MTARC1: variants seen among roughly 807,000 people sequenced by gnomAD.
The protein encoded by MTARC1 is mitochondrial amidoxime reducing component 1, also known as mitochondrial amidoxime-reducing component 1.
Under a neutral mutation model 33.6 loss-of-function variants are expected in MTARC1, and 24 were observed. That is an observed-to-expected ratio of 0.72 (90% confidence interval 0.52 to 1.01). The LOEUF (loss-of-function observed/expected upper bound fraction) is 1.01. Among genes scored for constraint, MTARC1 ranks in the 50% least tolerant of loss-of-function variants. The pLI is 0.00. For synonymous variants in MTARC1, 187 were observed against 189.5 expected (o/e 0.99, Z 0.11); for missense variants, 417 against 445.7 (o/e 0.94, Z 0.58).
In MTARC1 at chr1:220,805,071, T is replaced by A. The variant is rs746029777; in HGVS notation, c.773T>A (p.Leu258His). ...CCCTAGGATTCTTGGGATGAGCTTC[T>A]TATTGGTGACGTGGAACTGAAAAGG... Reference protein sequence around the residue: ...VYAEDSWDELLIGDVELKRVM... With the variant: ...VYAEDSWDELHIGDVELKRVM... Residue 258 changes from leucine to histidine, a missense_variant, in exon 5 of 7, where the codon CTT (leucine) becomes CAT (histidine). By Grantham distance (99) the Leu-to-His change is moderately conservative (BLOSUM62 -3). Coordinates refer to ENST00000366910, the MANE Select transcript of MTARC1 (RefSeq NM_022746.4). The A allele has an allele frequency of 5.6e-6, 9 of 1,614,128 alleles. No individual in the cohort carries two copies. The East Asian group carries it at 2.0e-4, about 36-fold the overall frequency.
chr1:220,813,526 A>T lies in MTARC1; in HGVS notation c.*108A>T, dbSNP rs988785245. 7 of 1,457,144 alleles carry T rather than the reference A, an allele frequency of 4.8e-6. No homozygotes were observed. The highest frequency in any genetic ancestry group is 1.4e-5 in the African/African-American group (1 of 70,290). 90.3% of individuals were successfully genotyped at this position (1,457,144 alleles called of 1,614,324 possible). A position where few individuals can be genotyped will look rare whatever the true frequency, so the allele number is the denominator to read the frequency against. On this transcript the variant is annotated 3_prime_UTR_variant, in exon 7 of 7. Coordinates refer to ENST00000366910, the MANE Select transcript of MTARC1 (RefSeq NM_022746.4). ...ACTGAGACCTCTACATTTTCTTTAA[A>T]TTTGTGATTTTCACATTTTTCGTCT... is the stretch of plus-strand genomic sequence containing the variant.
intron 2 of MTARC1, chr1:220,793,954 C>G (rs1461955424): frequency 1.3e-5 from 2 of 152,152 alleles, no homozygotes; most frequent in African/African-American, 4.8e-5. Flanking sequence ...TGAAAGGCCT[C>G]AAGTTCTGGG....
intron 6 of MTARC1, among the ~76,000 whole-genome samples, chr1:220,809,971 C>T (rs981087334): frequency 2.6e-5 from 4 of 152,310 alleles, no homozygotes; most frequent in Admixed American, 1.3e-4. Flanking sequence ...GCAGGGTAAA[C>T]AAGGATCAGC....
chr1:220,796,693 A>G lies in MTARC1; in HGVS notation c.500A>G (p.Gln167Arg). Residue 167 changes from glutamine to arginine, a missense_variant, in exon 3 of 7, where the codon CAG becomes CGG. By Grantham distance (43) the Gln-to-Arg change is conservative (BLOSUM62 1). Transcript: ENST00000366910. ...EGRDCGEATA[Q>R]WITSFLKSQP... ...AGGGACTGTGGCGAGGCCACCGCCC[A>G]GTGGATAACCAGCTTCCTGAAGTCA... 2.5e-6 allele frequency: 4 copies of G among 1,612,724 alleles called. No homozygotes were observed. The highest frequency in any genetic ancestry group is 3.4e-6 in the Non-Finnish European group (4 of 1,179,488).
intron 1 of MTARC1, among the ~76,000 whole-genome samples, chr1:220,787,802 C>T (rs1672282956): frequency 6.6e-6 from 1 of 152,000 alleles, no homozygotes; most frequent in South Asian, 2.1e-4. Context: ...CCAGCCTGAC[C>T]AACATGGTGA....
intron 6 of MTARC1, among the ~76,000 whole-genome samples, 181 bp from the exon 7 acceptor site, chr1:220,813,111 G>A (rs1353169981): frequency 1.3e-5 from 2 of 152,174 alleles, no homozygotes; most frequent in South Asian, 2.1e-4. Context: ...TGCTTCTGTC[G>A]TTGTTTGCTG....
At chr1:220,803,549 C>T in intron 4 of MTARC1, among the ~76,000 whole-genome samples, 1 of 152,108 alleles carries the variant, frequency 6.6e-6, no homozygotes, top group East Asian at 1.9e-4. Flanking sequence ...ATTGCTGGAC[C>T]TCAAAGCGCT....
At chr1:220,787,960 A>G (rs542623327) in intron 1 of MTARC1, among the ~76,000 whole-genome samples, 26 of 152,188 alleles carry the variant, frequency 1.7e-4, no homozygotes, top group Non-Finnish European at 2.6e-4. Flanking sequence ...GTGAGCCAGG[A>G]TTGCGCCACT....
At position 220,798,910 on chromosome 1, in the gene MTARC1, C is replaced by T. The variant is rs190588346; in HGVS notation, c.753+896C>T. 4.1e-5 allele frequency: 40 copies of T among 985,382 alleles called. No individual in the cohort carries two copies. The East Asian group carries it at 2.2e-3, about 53-fold the overall frequency. 61.0% of individuals were successfully genotyped at this position (985,382 alleles called of 1,614,324 possible). A position where few individuals can be genotyped will look rare whatever the true frequency, so the allele number is the denominator to read the frequency against. ...AATTATATTCTTCACTTTTGCTGTA[C>T]GGAGGCAAAACTATGCTGAAAGAGA... On this transcript the variant is annotated intron_variant, in intron 4 of 6. Transcript: ENST00000366910.
rs1046058862 is a variant in MTARC1, at chr1:220,819,021, A to T, written c.*5603A>T. 4 of 152,184 alleles carry T rather than the reference A, an allele frequency of 2.6e-5. No homozygotes were observed. Among genetic ancestry groups the T allele is most frequent in the African/African-American group, 9.7e-5 (4 of 41,440 alleles). 9.4% of individuals were successfully genotyped at this position (152,184 alleles called of 1,614,324 possible). A position where few individuals can be genotyped will look rare whatever the true frequency, so the allele number is the denominator to read the frequency against. On this transcript the variant is annotated 3_prime_UTR_variant, in exon 7 of 7. Coordinates refer to ENST00000366910, the MANE Select transcript of MTARC1 (RefSeq NM_022746.4). The stretch of plus-strand genomic sequence containing the variant: ...AGCCCGTATGACTCATTTGCGAGCC[A>T]TTCCTGTCGTCTGGATGCCATAACA...
rs1672250069 is a variant in MTARC1, at chr1:220,786,921, C to T, written c.-24C>T. Reference sequence around the variant, plus strand: ...GACCAGCGCGCTCCGGCCTTGCCGCCGCCACCTCGCGGAGAAGCCAGCCAT... The same window carrying T: ...GACCAGCGCGCTCCGGCCTTGCCGCTGCCACCTCGCGGAGAAGCCAGCCAT... On this transcript the variant is annotated 5_prime_UTR_variant, in exon 1 of 7. Coordinates refer to ENST00000366910, the MANE Select transcript of MTARC1 (RefSeq NM_022746.4). 2 of 1,229,640 alleles carry T rather than the reference C, an allele frequency of 1.6e-6. No homozygotes were observed. Among genetic ancestry groups the T allele is most frequent in the South Asian group, 4.0e-5 (1 of 25,248 alleles). 76.2% of individuals were successfully genotyped at this position (1,229,640 alleles called of 1,614,324 possible).
intron 4 of MTARC1, among the ~76,000 whole-genome samples, chr1:220,799,437 C>T (rs1309740828): frequency 1.3e-5 from 2 of 152,176 alleles, no homozygotes; most frequent in Admixed American, 1.3e-4. Context: ...CTTTGACCAT[C>T]TCCTTGATAT....
intron 4 of MTARC1, among the ~76,000 whole-genome samples, chr1:220,799,690 T>C (rs1303609236): frequency 1.3e-5 from 2 of 152,172 alleles, no homozygotes. Flanking sequence ...AAGGAGGGGC[T>C]GGGTTTTGAA....
Position 220,788,950 on chromosome 1 carries a change from C to G in MTARC1, c.275+1731C>G, listed in dbSNP as rs188577669. On this transcript the variant is annotated intron_variant, in intron 1 of 6. Transcript: ENST00000366910. ...TACAATAGATGACAAGAAGAGCTGG[C>G]CTTTGTACCAGACACTATGATAAAT... Among the ~76,000 whole-genome samples the G allele has an allele frequency of 1.1e-4, 17 of 152,230 alleles. No individual in the cohort carries two copies. The East Asian group carries it at 2.3e-3, about 21-fold the overall frequency.
At chr1:220,811,362 T>C (rs760173863) in intron 6 of MTARC1, among the ~76,000 whole-genome samples, 2 of 152,220 alleles carry the variant, frequency 1.3e-5, no homozygotes, top group Non-Finnish European at 2.9e-5. Context: ...CAACCAACAT[T>C]ATTTTTGAGT....
At chr1:220,801,231 T>G (rs776255223) in intron 4 of MTARC1, among the ~76,000 whole-genome samples, 4 of 152,102 alleles carry the variant, frequency 2.6e-5, no homozygotes, top group Non-Finnish European at 5.9e-5. Flanking sequence ...CTGGCCTTTT[T>G]TCTGGGCCCC....
rs757703393 is a variant in MTARC1, at chr1:220,819,386, C to T, written c.*5968C>T. ...ATGCAAGTCTATATTTTAAGGCAGT[C>T]GAAGTCCTAGAGAATATATCTGGAG... On this transcript the variant is annotated 3_prime_UTR_variant, in exon 7 of 7. Transcript: ENST00000366910. 2.6e-5 allele frequency: 4 copies of T among 152,134 alleles called. No individual in the cohort carries two copies. Among genetic ancestry groups the T allele is most frequent in the Non-Finnish European group, 4.4e-5 (3 of 68,030 alleles). The allele number at this position is 152,134 out of a possible 1,614,324, so 9.4% of individuals were successfully genotyped here.
rs540723173 is a variant in MTARC1 at position 220,815,545 on chromosome 1, C to T, written c.*2127C>T. On this transcript the variant is annotated 3_prime_UTR_variant, in exon 7 of 7. Transcript: ENST00000366910. ...GTGCCTCACAGTGTGAGGAAGATTC[C>T]TGTTTGAAGAGAGAAGTTCCAGTGA... 6.6e-6 allele frequency: 1 copy of T among 152,172 alleles called. No homozygotes were observed. The highest frequency in any genetic ancestry group is 2.4e-5 in the African/African-American group (1 of 41,436). The allele number at this position is 152,172 out of a possible 1,614,324, so 9.4% of individuals were successfully genotyped here.
At position 220,805,254 on chromosome 1, in the gene MTARC1, A is replaced by G; in HGVS notation, c.867A>G (p.Glu289=). The G allele has an allele frequency of 6.2e-7, 1 of 1,613,224 alleles. No individual in the cohort carries two copies. The highest frequency in any genetic ancestry group is 8.5e-7 in the Non-Finnish European group (1 of 1,180,018). The change falls in exon 6 of 7, where the codon GAA becomes GAG. Residue 289 remains glutamate, a synonymous_variant. Transcript: ENST00000366910. ...DPDTGVMSRK[E]PLETLKSYRQ... Reference sequence around the variant, plus strand: ...ACACCGGTGTCATGAGCAGGAAGGAACCGCTGGAAACACTGAAGAGGTAGG... The same window carrying G: ...ACACCGGTGTCATGAGCAGGAAGGAGCCGCTGGAAACACTGAAGAGGTAGG...
Sources: gnomAD v4.1 joint callset for allele counts (sites outside exome capture counted in the v4.1 genomes callset) on GRCh38, gnomAD v4.1.1 for gene constraint, MANE v1.5 for transcripts, NCBI Gene and HGNC (gene_info 2026-07-23, HGNC 2026-07-21) for gene names.